The following NELL2 variants were observed in gnomAD, a reference collection of about 807,000 sequenced individuals.
NELL2 encodes the protein neural EGFL like 2, also known as protein kinase C-binding protein NELL2.
A neutral mutation model predicts 109.6 loss-of-function variants in NELL2; 41 were observed. The ratio of observed to expected loss-of-function variants is 0.37; its 90% CI spans 0.29 to 0.49. The LOEUF (loss-of-function observed/expected upper bound fraction) is 0.49, where lower values mean the gene tolerates loss of function less well. Among genes scored for constraint, NELL2 ranks in the 20% least tolerant of loss-of-function variants. NELL2 has a pLI of 0.98. For synonymous variants in NELL2, 355 were observed against 344.7 expected, an observed-to-expected ratio of 1.03 and a Z score of -0.33; for missense variants, 900 against 1,008.3, an observed-to-expected ratio of 0.89 and a Z score of 1.45.
intron 2 of NELL2, among the ~76,000 whole-genome samples, chr12:44,838,405 C>A (rs1324615187): frequency 6.6e-6 from 1 of 152,132 alleles, no homozygotes; most frequent in Non-Finnish European, 1.5e-5. Context: ...ATCATCATTT[C>A]TTAATAATTG....
At chr12:44,646,077 T>TA (rs1566080421) in intron 13 of NELL2, among the ~76,000 whole-genome samples, 1 of 152,106 alleles carries the variant, frequency 6.6e-6, no homozygotes, top group Admixed American at 6.5e-5. Context: ...CTTTTTTTTT[T>TA]ATCCTCCATA....
At position 44,617,654 on chromosome 12, in the gene NELL2, T is replaced by C. The variant is rs556087150; in HGVS notation, c.1445-6684A>G. Among the ~76,000 whole-genome samples the C allele has an allele frequency of 1.1e-4, 12 of 112,474 alleles. No individual in the cohort carries two copies. In the South Asian group the frequency reaches 3.7e-3, roughly 35 times the overall value. The allele number at this position is 112,474 out of a possible 152,430, so 73.8% of individuals were successfully genotyped here. A position where few individuals can be genotyped will look rare whatever the true frequency, so the allele number is the denominator to read the frequency against. Reference sequence around the variant, plus strand: ...TTGCAGTGAGCCGAGATCCCGCCACTGCACTCCAGCCTGGGCGACAGAGCG... The same window carrying C: ...TTGCAGTGAGCCGAGATCCCGCCACCGCACTCCAGCCTGGGCGACAGAGCG... On this transcript the variant is annotated intron_variant, in intron 13 of 19. Coordinates refer to ENST00000429094, the MANE Select transcript of NELL2 (RefSeq NM_001145108.2).
intron 13 of NELL2, among the ~76,000 whole-genome samples, chr12:44,641,266 C>G (rs1338779279): frequency 6.6e-6 from 1 of 152,140 alleles, no homozygotes; most frequent in Admixed American, 6.5e-5. Context: ...TCCTTGTCAG[C>G]TAAATCATAT....
At chr12:44,566,635 A>T (rs934407495) in intron 15 of NELL2, among the ~76,000 whole-genome samples, 2 of 152,102 alleles carry the variant, frequency 1.3e-5, no homozygotes, top group East Asian at 1.9e-4. Flanking sequence ...GCTGACCTGT[A>T]GCTGTAATCA....
intron 12 of NELL2, among the ~76,000 whole-genome samples, chr12:44,701,127 G>C (rs1015054610): frequency 6.6e-6 from 1 of 151,954 alleles, no homozygotes; most frequent in Non-Finnish European, 1.5e-5. Context: ...TTCCTTCTAA[G>C]AAGTCAAAAC....
At chr12:44,776,938 G>C (rs144770643) in intron 7 of NELL2, 104 bp downstream of exon 7, 71 of 949,260 alleles carry the variant, frequency 7.5e-5, no homozygotes, top group African/African-American at 7.3e-4. Flanking sequence ...AAACAGTATA[G>C]TATAAGAAGA....
At chr12:44,880,692 A>G (rs368418703), upstream of NELL2, among the ~76,000 whole-genome samples, 1 of 152,052 alleles carries the variant, frequency 6.6e-6, no homozygotes, top group African/African-American at 2.4e-5. Flanking sequence ...ACACTTTACC[A>G]TTTCTCCCAC....
intron 2 of NELL2, among the ~76,000 whole-genome samples, chr12:44,873,506 G>T (rs1028522046): frequency 1.3e-5 from 2 of 152,062 alleles, no homozygotes; most frequent in Non-Finnish European, 2.9e-5. Context: ...GCACAGTCCT[G>T]AAGGTTTCTA....
intron 9 of NELL2, among the ~76,000 whole-genome samples, chr12:44,738,026 T>G (rs570520401): frequency 2.6e-5 from 4 of 152,334 alleles, no homozygotes; most frequent in Admixed American, 2.6e-4. Context: ...AATGAAGTTC[T>G]AATTTACTCT....
At chr12:44,900,936 G>A (rs1945652962) in intron 1 of NELL2, among the ~76,000 whole-genome samples, 1 of 151,884 alleles carries the variant, frequency 6.6e-6, no homozygotes, top group African/African-American at 2.4e-5. Context: ...TTGCAGTGAG[G>A]CCAGATCATG....
chr12:44,731,288 T>G (rs1048515246), intron 9 of NELL2, among the ~76,000 whole-genome samples: 2 of 152,048 alleles, frequency 1.3e-5, no homozygotes, highest in Non-Finnish European at 2.9e-5. Context: ...GACAAAGCAC[T>G]GCAGGAAAAG....
At chr12:44,523,828 TA>T (rs946181025) in intron 16 of NELL2, among the ~76,000 whole-genome samples, 1 of 152,216 alleles carries the variant, frequency 6.6e-6, no homozygotes, top group African/African-American at 2.4e-5. Context: ...GTGGAAATTC[TA>T]AAAGTGCCTA....
At chr12:44,718,740 G>T (rs1169872960) in intron 9 of NELL2, among the ~76,000 whole-genome samples, 2 of 152,186 alleles carry the variant, frequency 1.3e-5, no homozygotes, top group African/African-American at 4.8e-5. Context: ...TTATCAGTTT[G>T]TAGACTAAGA....
At chr12:44,728,534 G>C (rs1939202225) in intron 9 of NELL2, among the ~76,000 whole-genome samples, 1 of 152,016 alleles carries the variant, frequency 6.6e-6, no homozygotes, top group African/African-American at 2.4e-5. Context: ...GGTCCAGAAA[G>C]AAGAAGATAG....
intron 2 of NELL2, among the ~76,000 whole-genome samples, chr12:44,856,372 G>A (rs967997909): frequency 6.6e-6 from 1 of 152,164 alleles, no homozygotes; most frequent in African/African-American, 2.4e-5. Flanking sequence ...CAATTCAAAT[G>A]ATAAGTAAAT....
At chr12:44,868,903 G>C (rs1945086202) in intron 2 of NELL2, among the ~76,000 whole-genome samples, 2 of 152,024 alleles carry the variant, frequency 1.3e-5, no homozygotes, top group South Asian at 4.1e-4. Flanking sequence ...AAAATTATAA[G>C]TACATGAGGT....
At chr12:44,856,636 C>A (rs1270569745) in intron 2 of NELL2, among the ~76,000 whole-genome samples, 2 of 152,020 alleles carry the variant, frequency 1.3e-5, no homozygotes, top group African/African-American at 4.8e-5. Context: ...AGAGTACCTG[C>A]CTGGCATGTT....
chr12:44,875,551 G>T (rs1945292392), intron 1 of NELL2, 198 bp from the exon 2 acceptor site: 1 of 1,613,622 alleles, frequency 6.2e-7, no homozygotes. Context: ...ACCCAGTCCC[G>T]TTTCCATGAC....
At chr12:44,747,677 G>A (rs1417414713) in intron 9 of NELL2, among the ~76,000 whole-genome samples, 1 of 151,930 alleles carries the variant, frequency 6.6e-6, no homozygotes, top group Non-Finnish European at 1.5e-5. Context: ...TTATCATAAA[G>A]GTCTCCCCTG....
Sources: gnomAD v4.1 joint callset for allele counts (sites outside exome capture counted in the v4.1 genomes callset) on GRCh38, gnomAD v4.1.1 for gene constraint, MANE v1.5 for transcripts, NCBI Gene and HGNC (gene_info 2026-07-23, HGNC 2026-07-21) for gene names.